The following TBC1D19 variants were observed in gnomAD, a reference collection of about 807,000 sequenced individuals.
The protein encoded by TBC1D19 is TBC1 domain family, member 19.
In TBC1D19, 60 loss-of-function variants were observed where a neutral mutation model predicts 89.0. The observed-to-expected ratio is 0.67, with a 90% CI of 0.55 to 0.84. The LOEUF is 0.84. Ranked by LOEUF, TBC1D19 falls within the 40% of genes least tolerant of loss-of-function variation. The pLI, the probability that TBC1D19 is intolerant of heterozygous loss-of-function variation, is 0.00. For missense variants in TBC1D19, 500 were observed against 610.8 expected (o/e 0.82, Z 1.91); for synonymous variants, 189 against 199.7 (o/e 0.95, Z 0.45).
At chr4:26,777,403 G>T in the TBC1D19 span, among the ~76,000 whole-genome samples, 1 of 152,016 alleles carries the variant, frequency 6.6e-6, no homozygotes, top group African/African-American at 2.4e-5. Context: ...CCAAAGTGCT[G>T]AGGTTACAGG....
At chr4:26,754,480 A>G (rs13151477) in intron 20 of TBC1D19, among the ~76,000 whole-genome samples, 57,253 of 152,102 alleles carry the variant, frequency 0.38, 11,777 homozygotes, top group Non-Finnish European at 0.47. Flanking sequence ...ATGTTTATGC[A>G]TCTTGTAACT....
intron 10 of TBC1D19, 60 bp downstream of exon 10, chr4:26,672,247 T>C: frequency 2.4e-6 from 3 of 1,244,654 alleles, no homozygotes; most frequent in Non-Finnish European, 3.1e-6. Context: ...CAGCTAAATG[T>C]CTGCCTCAGA....
chr4:26,655,717 G>A (rs1744752850), intron 7 of TBC1D19, among the ~76,000 whole-genome samples: 1 of 152,180 alleles, frequency 6.6e-6, no homozygotes, highest in Non-Finnish European at 1.5e-5. Flanking sequence ...TAAGATCATT[G>A]GAAAAACGCA....
At chr4:26,793,956 T>TGACC in the TBC1D19 span, among the ~76,000 whole-genome samples, 1 of 152,184 alleles carries the variant, frequency 6.6e-6, no homozygotes, top group African/African-American at 2.4e-5. Flanking sequence ...TTGGGTCATG[T>TGACC]GACCATTGGC....
rs1717979998 is a variant in TBC1D19, at chr4:26,735,366, C to T, written c.1085-89C>T. 2.7e-6 allele frequency: 3 copies of T among 1,099,520 alleles called. No individual in the cohort carries two copies. The Admixed American group carries it at 9.6e-5, about 35-fold the overall frequency. The allele number at this position is 1,099,520 out of a possible 1,614,324, so 68.1% of individuals were successfully genotyped here. A position where few individuals can be genotyped will look rare whatever the true frequency, so the allele number is the denominator to read the frequency against. ...CAGAGTTGAAGCAAAAATAGAAAAC[C>T]TTTTTATTGTCAGTTTTAATCTTTT... is the stretch of plus-strand genomic sequence containing the variant. On this transcript the variant is annotated intron_variant, in intron 15 of 20. Coordinates refer to ENST00000264866, the MANE Select transcript of TBC1D19 (RefSeq NM_018317.4).
chr4:26,706,532 T>C (rs1715750835), intron 13 of TBC1D19, among the ~76,000 whole-genome samples: 1 of 152,142 alleles, frequency 6.6e-6, no homozygotes, highest in Non-Finnish European at 1.5e-5. Flanking sequence ...TTCATTTATC[T>C]CTGCTCTACT....
chr4:26,615,593 C>G (rs1021107472), intron 3 of TBC1D19, among the ~76,000 whole-genome samples: 1 of 151,778 alleles, frequency 6.6e-6, no homozygotes, highest in Non-Finnish European at 1.5e-5. Flanking sequence ...AGAATTGTTT[C>G]TAAAATAAAG....
intron 6 of TBC1D19, 31 bp downstream of exon 6, chr4:26,638,865 G>C: frequency 6.6e-7 from 1 of 1,525,612 alleles, no homozygotes; most frequent in Middle Eastern, 1.7e-4. Flanking sequence ...GAATGTAGTA[G>C]TGGAAAAATA....
At chr4:26,816,003 C>T in the TBC1D19 span, among the ~76,000 whole-genome samples, 1 of 152,182 alleles carries the variant, frequency 6.6e-6, no homozygotes, top group African/African-American at 2.4e-5. Flanking sequence ...GAGGAGTTCT[C>T]TCCACAGGCC....
chr4:26,586,170 G>GTTTTTTTTT (rs1560396710), intron 1 of TBC1D19, among the ~76,000 whole-genome samples: 2 of 135,150 alleles, frequency 1.5e-5, no homozygotes, highest in African/African-American at 2.9e-5. Flanking sequence ...TGCAAGGTAA[G>GTTTTTTTTT]CTTTTTTTTT....
chr4:26,581,435 C>T (rs551745620), upstream of TBC1D19, among the ~76,000 whole-genome samples: 2 of 152,262 alleles, frequency 1.3e-5, no homozygotes, highest in South Asian at 4.1e-4. Flanking sequence ...TCCATGTGTT[C>T]TCATGGCTCG....
chr4:26,675,772 A>G (rs906339713), intron 11 of TBC1D19, among the ~76,000 whole-genome samples: 2 of 152,188 alleles, frequency 1.3e-5, no homozygotes, highest in African/African-American at 4.8e-5. Flanking sequence ...TTAGACATAA[A>G]TGGAAGATTC....
chr4:26,630,642 T>G (rs985999077), intron 4 of TBC1D19, among the ~76,000 whole-genome samples: 2 of 152,052 alleles, frequency 1.3e-5, no homozygotes, highest in Non-Finnish European at 2.9e-5. Context: ...TGTTCACTTC[T>G]CATCTCCTTT....
At chr4:26,616,459 G>A (rs1560419882) in intron 3 of TBC1D19, among the ~76,000 whole-genome samples, 1 of 152,110 alleles carries the variant, frequency 6.6e-6, no homozygotes, top group Non-Finnish European at 1.5e-5. Flanking sequence ...CCTAACATAA[G>A]TCAAAAGAAT....
intron 13 of TBC1D19, among the ~76,000 whole-genome samples, chr4:26,693,790 C>T (rs982255509): frequency 6.6e-6 from 1 of 151,726 alleles, no homozygotes; most frequent in Non-Finnish European, 1.5e-5. Context: ...AGTACCAGAC[C>T]GAAATTCTGG....
At chr4:26,626,821 TTTTTTA>T (rs950628559) in intron 4 of TBC1D19, among the ~76,000 whole-genome samples, 25 of 150,032 alleles carry the variant, frequency 1.7e-4, no homozygotes, top group African/African-American at 5.3e-4. Flanking sequence ...TCAAATTCTT[TTTTTTA>T]TTTTTATTTT....
intron 1 of TBC1D19, among the ~76,000 whole-genome samples, chr4:26,602,732 G>T (rs146502532): frequency 6.6e-6 from 1 of 150,656 alleles, no homozygotes; most frequent in African/African-American, 2.4e-5. Flanking sequence ...GAGCCACCAC[G>T]CCCAGCCAGC....
At chr4:26,661,102 C>A (rs1367634534) in intron 8 of TBC1D19, among the ~76,000 whole-genome samples, 1 of 152,016 alleles carries the variant, frequency 6.6e-6, no homozygotes, top group Non-Finnish European at 1.5e-5. Flanking sequence ...AGAAGTTAGT[C>A]CCCCAGATTC....
At chr4:26,819,301 C>T in the TBC1D19 span, among the ~76,000 whole-genome samples, 1 of 152,144 alleles carries the variant, frequency 6.6e-6, no homozygotes, top group Non-Finnish European at 1.5e-5. Flanking sequence ...GTAGGACGTC[C>T]CCTGGTGGGA....
Sources: allele counts gnomAD v4.1 joint callset (sites outside exome capture counted in the v4.1 genomes callset), GRCh38; gene constraint gnomAD v4.1.1; transcripts MANE v1.5; gene names NCBI Gene and HGNC (gene_info 2026-07-23, HGNC 2026-07-21).